Variants in SRP19 observed in about 807,000 individuals in gnomAD.
SRP19 encodes signal recognition particle 19.
A neutral mutation model predicts 22.4 loss-of-function variants in SRP19; 11 were observed. The observed-to-expected ratio is 0.49, with a 90% CI of 0.31 to 0.81. The LOEUF is 0.81. SRP19 is among the 40% of genes least tolerant of loss of function. The pLI, the probability that SRP19 is intolerant of heterozygous loss-of-function variation, is 0.05. For synonymous variants in SRP19, 61 were observed against 57.6 expected, an observed-to-expected ratio of 1.06 and a Z score of -0.27; for missense variants, 168 against 175.9, an observed-to-expected ratio of 0.96 and a Z score of 0.25.
chr5:112,861,452 G>C, intron 1 of SRP19, 35 bp downstream of exon 1: 2 of 1,607,318 alleles, frequency 1.2e-6, no homozygotes, highest in African/African-American at 2.7e-5. Flanking sequence ...CCGAAAGGAA[G>C]GGGCTTGCTG....
At chr5:112,873,774 T>TC (rs1364094066), downstream of SRP19, among the ~76,000 whole-genome samples, 1 of 151,782 alleles carries the variant, frequency 6.6e-6, no homozygotes, top group Admixed American at 6.6e-5. Context: ...CCAAGTTCCT[T>TC]TTTTTCTTTC....
At chr5:112,892,938 C>T in exon 5 of SRP19, 3 of 1,600,866 alleles carry the variant, frequency 1.9e-6, no homozygotes, top group Middle Eastern at 1.7e-4. Flanking sequence ...GAAATAGGCA[C>T]CGCAGCTGGG....
chr5:112,862,623 G>A (rs1271527468), intron 2 of SRP19, 40 bp downstream of exon 2: 10 of 1,582,142 alleles, frequency 6.3e-6, no homozygotes, highest in Non-Finnish European at 8.7e-6. Context: ...CGAGGGAATG[G>A]GGGGTGTCAT....
At chr5:112,881,127 T>TTAAA (rs1768062397) in intron 4 of SRP19, among the ~76,000 whole-genome samples, 1 of 21,646 alleles carries the variant, frequency 4.6e-5, no homozygotes, top group African/African-American at 8.4e-4. Context: ...AGACTCTGTT[T>TTAAA]CAAAAAAAAA....
chr5:112,862,159 G>A (rs560579375), intron 1 of SRP19, among the ~76,000 whole-genome samples: 5 of 152,166 alleles, frequency 3.3e-5, no homozygotes, highest in Non-Finnish European at 7.3e-5. Flanking sequence ...ACTCCACAGG[G>A]TGGGAGCCGG....
chr5:112,872,322 C>CTTTTTTTT (rs759571945), downstream of SRP19, among the ~76,000 whole-genome samples: 11 of 92,690 alleles, frequency 1.2e-4, no homozygotes, highest in Admixed American at 2.9e-4. Flanking sequence ...CCAAATGATT[C>CTTTTTTTT]TTTTTTTTTT....
Position 112,864,715 on chromosome 5 carries a change from T to G in SRP19, c.284T>G (p.Leu95Arg). 1 of 1,613,766 alleles carries G rather than the reference T, an allele frequency of 6.2e-7. No homozygotes were observed. Among genetic ancestry groups the G allele is most frequent in the Middle Eastern group, 1.7e-4 (1 of 5,966 alleles). Residue 95 changes from leucine to arginine, a missense_variant, in exon 4 of 5, where the codon CTT becomes CGT. Leu to Arg is a moderately radical substitution (Grantham distance 102). Coordinates refer to ENST00000505459, the MANE Select transcript of SRP19 (RefSeq NM_003135.3). ...AAACAGGAAGATGGGAGCCTCTGCCTTGTACAGTTCCCATCACGTAAGCTT... is the reference window on the plus strand; with the variant it reads ...AAACAGGAAGATGGGAGCCTCTGCCGTGTACAGTTCCCATCACGTAAGCTT... ...QLKQEDGSLCLVQFPSRKSVM... is the reference protein window; with the variant it reads ...QLKQEDGSLCRVQFPSRKSVM...
chr5:112,898,311 ATCCTT>A (rs1463100409), exon 4 of SRP19: 2 of 152,200 alleles, frequency 1.3e-5, no homozygotes, highest in Non-Finnish European at 2.9e-5. Context: ...TGAATGTTTA[ATCCTT>A]TCAAGTATGT....
chr5:112,871,559 C>A (rs967848670), downstream of SRP19, among the ~76,000 whole-genome samples: 29 of 151,914 alleles, frequency 1.9e-4, no homozygotes, highest in African/African-American at 7.0e-4. Context: ...GAGTTCGAGA[C>A]CAGCCTGGCC....
At position 112,861,362 on chromosome 5, in the gene SRP19, G is replaced by C. The variant is rs1406796628; in HGVS notation, c.-15G>C. 1.2e-6 allele frequency: 2 copies of C among 1,614,210 alleles called. No homozygotes were observed. Among genetic ancestry groups the C allele is most frequent in the Admixed American group, 1.7e-5 (1 of 60,038 alleles). On this transcript the variant is annotated 5_prime_UTR_variant, in exon 1 of 5. Coordinates refer to ENST00000505459, the MANE Select transcript of SRP19 (RefSeq NM_003135.3). ...TTCTCCCTGCGGCTCCTGGGTTGTT[G>C]AGACTCTTGTGAAGATGGCTTGCGC... is the stretch of plus-strand genomic sequence containing the variant.
intron 4 of SRP19, among the ~76,000 whole-genome samples, chr5:112,879,631 G>A (rs528024991): frequency 6.6e-6 from 1 of 151,990 alleles, no homozygotes; most frequent in East Asian, 2.0e-4. Flanking sequence ...TCACCACCAC[G>A]CCCAGCTAAT....
At chr5:112,893,740 C>T (rs1768581102), downstream of SRP19, 1 of 152,260 alleles carries the variant, frequency 6.6e-6, no homozygotes, top group Non-Finnish European at 1.5e-5. Context: ...GCCTTCTGCA[C>T]ACACACAATG....
At chr5:112,878,633 A>T in intron 4 of SRP19, 1 of 1,127,236 alleles carries the variant, frequency 8.9e-7, no homozygotes, top group Non-Finnish European at 1.2e-6. Context: ...CAGTAAAAGT[A>T]AGCAAAGAAA....
At position 112,867,459 on chromosome 5, in the gene SRP19, A is replaced by T. The variant is rs1189382686; in HGVS notation, c.357A>T (p.Thr119=). 3 of 1,614,056 alleles carry T rather than the reference A, an allele frequency of 1.9e-6. No homozygotes were observed. Among genetic ancestry groups the T allele is most frequent in the Non-Finnish European group, 2.5e-6 (3 of 1,179,980 alleles). Residue 119 remains threonine, a synonymous_variant, in exon 5 of 5, where the codon ACA becomes ACT. Transcript: ENST00000505459. The part of the protein sequence containing the change: ...AEMIPKLKTR[T]QKTGGADQSL... Reference sequence around the variant, plus strand: ...TGATACCTAAACTAAAAACAAGGACACAAAAAACAGGAGGTGCTGACCAAA... The same window carrying T: ...TGATACCTAAACTAAAAACAAGGACTCAAAAAACAGGAGGTGCTGACCAAA...
chr5:112,861,293 T>C lies in SRP19; in HGVS notation c.-84T>C, dbSNP rs1273024374. Reference sequence around the variant, plus strand: ...GGACTTCCGGCGGAAAAGCGGGCTGTCTCGGAAACTCAGAGCCGGGTTCCT... The same window carrying C: ...GGACTTCCGGCGGAAAAGCGGGCTGCCTCGGAAACTCAGAGCCGGGTTCCT... On this transcript the variant is annotated 5_prime_UTR_variant, in exon 1 of 5. Coordinates refer to ENST00000505459, the MANE Select transcript of SRP19 (RefSeq NM_003135.3). 8.5e-6 allele frequency: 13 copies of C among 1,523,462 alleles called. 1 individual carries two copies. Among genetic ancestry groups the C allele is most frequent in the Middle Eastern group, 1.7e-4 (1 of 5,858 alleles). The allele number at this position is 1,523,462 out of a possible 1,614,324, so 94.4% of individuals were successfully genotyped here. A position where few individuals can be genotyped will look rare whatever the true frequency, so the allele number is the denominator to read the frequency against.
At chr5:112,874,776 A>ATTTT (rs34164046), downstream of SRP19, among the ~76,000 whole-genome samples, 1 of 134,726 alleles carries the variant, frequency 7.4e-6, no homozygotes, top group African/African-American at 2.7e-5. Context: ...ATGTGCGCCA[A>ATTTT]TTTTTTTTTT....
rs1767664158 is a variant in SRP19 at position 112,868,020 on chromosome 5, G to A, written c.*483G>A. The A allele has an allele frequency of 1.0e-6, 1 of 985,968 alleles. No homozygotes were observed. 61.1% of individuals were successfully genotyped at this position (985,968 alleles called of 1,614,324 possible). A position where few individuals can be genotyped will look rare whatever the true frequency, so the allele number is the denominator to read the frequency against. ...GCTAAAACTAGAAGAAACTGTGGTA[G>A]GTCCTTTTGTGGGTGGGGGACAGGG... is the stretch of plus-strand genomic sequence containing the variant. On this transcript the variant is annotated 3_prime_UTR_variant, in exon 5 of 5. Transcript: ENST00000505459.
intron 2 of SRP19, among the ~76,000 whole-genome samples, chr5:112,862,877 C>G (rs1434621741): frequency 6.6e-6 from 1 of 152,074 alleles, no homozygotes; most frequent in Non-Finnish European, 1.5e-5. Context: ...ACGGTGTTTC[C>G]CTTGATATAG....
chr5:112,895,838 A>G (rs1404096037), downstream of SRP19: 1 of 152,200 alleles, frequency 6.6e-6, no homozygotes, highest in Non-Finnish European at 1.5e-5. Flanking sequence ...AGCTGCCCTC[A>G]AAGTGCCAGC....
Sources: allele counts gnomAD v4.1 joint callset (sites outside exome capture counted in the v4.1 genomes callset), GRCh38; gene constraint gnomAD v4.1.1; transcripts MANE v1.5; gene names NCBI Gene and HGNC (gene_info 2026-07-23, HGNC 2026-07-21).